PPP3R1: variants seen among roughly 807,000 people sequenced by gnomAD.
PPP3R1 encodes protein phosphatase 3 regulatory subunit B, alpha.
A neutral mutation model predicts 22.6 loss-of-function variants in PPP3R1; 5 were observed. The ratio of observed to expected loss-of-function variants is 0.22; its 90% CI spans 0.12 to 0.46. The LOEUF is 0.46. Ranked by LOEUF, PPP3R1 falls within the 20% of genes least tolerant of loss-of-function variation. The probability of loss-of-function intolerance (pLI) is 0.99; values close to 1 mark genes in which losing one functional copy is unlikely to be tolerated. For synonymous variants in PPP3R1, 56 were observed against 65.2 expected, an observed-to-expected ratio of 0.86 and a Z score of 0.68; for missense variants, 61 against 203.2, an observed-to-expected ratio of 0.30 and a Z score of 4.25.
intron 2 of PPP3R1, among the ~76,000 whole-genome samples, chr2:68,201,533 T>C (rs1674975175): frequency 6.6e-6 from 1 of 152,230 alleles, no homozygotes. Context: ...CGTTCTAATT[T>C]GAACCAACTG....
rs1409935234 is a variant in PPP3R1, at chr2:68,252,234, C to T, written c.-107G>A. 11 of 1,115,960 alleles carry T rather than the reference C, an allele frequency of 9.9e-6. No individual in the cohort carries two copies. Among genetic ancestry groups the T allele is most frequent in the African/African-American group, 1.7e-5 (1 of 59,376 alleles). The allele number at this position is 1,115,960 out of a possible 1,614,324, so 69.1% of individuals were successfully genotyped here. On this transcript the variant is annotated 5_prime_UTR_variant, in exon 1 of 6. Transcript: ENST00000234310. ...GGCGGCCCAGCTGCGGCCCTCGGGT[C>T]GCCGGCGGGGAGGGGGCGCGCGTGG...
At chr2:68,237,334 T>G (rs1040712921) in intron 1 of PPP3R1, among the ~76,000 whole-genome samples, 1 of 152,188 alleles carries the variant, frequency 6.6e-6, no homozygotes, top group African/African-American at 2.4e-5. Flanking sequence ...TCAGAAGAAC[T>G]GTGAATCAGG....
chr2:68,251,105 T>C (rs966180132), intron 1 of PPP3R1: 2 of 152,364 alleles, frequency 1.3e-5, no homozygotes, highest in East Asian at 3.9e-4. Context: ...GAACTTTCTC[T>C]ACTGTGTATA....
At chr2:68,217,597 C>T (rs921058513) in intron 1 of PPP3R1, among the ~76,000 whole-genome samples, 1 of 151,992 alleles carries the variant, frequency 6.6e-6, no homozygotes, top group African/African-American at 2.4e-5. Context: ...TACCATTTTT[C>T]CCTGCATTGA....
At chr2:68,228,493 T>C (rs894885594) in intron 1 of PPP3R1, among the ~76,000 whole-genome samples, 5 of 152,180 alleles carry the variant, frequency 3.3e-5, no homozygotes, top group African/African-American at 1.2e-4. Flanking sequence ...TAACCCCTTA[T>C]CTTTTTTCAC....
chr2:68,203,879 A>G (rs190520289), intron 2 of PPP3R1, among the ~76,000 whole-genome samples: 347 of 152,288 alleles, frequency 2.3e-3, no homozygotes, highest in Non-Finnish European at 4.5e-3. Flanking sequence ...GCAAAAGGAG[A>G]GGTTCCTTCA....
intron 1 of PPP3R1, among the ~76,000 whole-genome samples, chr2:68,247,091 C>T (rs1670251316): frequency 6.7e-6 from 1 of 149,106 alleles, no homozygotes; most frequent in Admixed American, 6.7e-5. Context: ...GAGTAGCTGG[C>T]ACTACAGGCG....
intron 1 of PPP3R1, among the ~76,000 whole-genome samples, chr2:68,247,929 T>A (rs1028987276): frequency 1.3e-5 from 2 of 152,228 alleles, no homozygotes; most frequent in South Asian, 4.1e-4. Context: ...TCTATCCTAT[T>A]ATCCACCCGG....
At chr2:68,224,531 G>A (rs1362072979) in intron 1 of PPP3R1, among the ~76,000 whole-genome samples, 3 of 152,102 alleles carry the variant, frequency 2.0e-5, no homozygotes, top group Non-Finnish European at 4.4e-5. Context: ...GGGCGTGGTG[G>A]CAGGCGCCTG....
At chr2:68,222,051 T>A (rs1170853689) in intron 1 of PPP3R1, among the ~76,000 whole-genome samples, 1 of 151,876 alleles carries the variant, frequency 6.6e-6, no homozygotes, top group Non-Finnish European at 1.5e-5. Flanking sequence ...ATGAAAAATA[T>A]CAGAAATGGT....
At chr2:68,205,626 G>A (rs1422307815) in intron 2 of PPP3R1, among the ~76,000 whole-genome samples, 1 of 152,060 alleles carries the variant, frequency 6.6e-6, no homozygotes, top group Non-Finnish European at 1.5e-5. Flanking sequence ...CAAATAATCA[G>A]TGTTCAAATT....
chr2:68,203,186 T>C (rs80080995), intron 2 of PPP3R1, among the ~76,000 whole-genome samples: 359 of 152,324 alleles, frequency 2.4e-3, no homozygotes, highest in African/African-American at 8.5e-3. Flanking sequence ...AAATGATAAA[T>C]GACAGCTGGT....
intron 1 of PPP3R1, among the ~76,000 whole-genome samples, chr2:68,220,512 C>T (rs1340063475): frequency 6.6e-6 from 1 of 152,030 alleles, no homozygotes; most frequent in Non-Finnish European, 1.5e-5. Flanking sequence ...ACTATATTGG[C>T]CATGAATTAA....
chr2:68,217,991 T>C (rs1381672655), intron 1 of PPP3R1, among the ~76,000 whole-genome samples: 1 of 152,098 alleles, frequency 6.6e-6, no homozygotes, highest in South Asian at 2.1e-4. Context: ...TCTAAAACAG[T>C]AATATCTCAA....
chr2:68,217,249 AC>A (rs1477946854), intron 1 of PPP3R1, 118 bp from the exon 2 acceptor site: 3 of 594,726 alleles, frequency 5.0e-6, no homozygotes, highest in Non-Finnish European at 8.9e-6. Context: ...TAATAATATG[AC>A]CACATATATA....
intron 1 of PPP3R1, 91 bp downstream of exon 1, chr2:68,252,034 C>A (rs1670374219): frequency 9.5e-6 from 12 of 1,256,824 alleles, no homozygotes; most frequent in Admixed American, 2.8e-5. Flanking sequence ...CGGGGGACAG[C>A]CGACCGGGGG....
intron 2 of PPP3R1, among the ~76,000 whole-genome samples, chr2:68,196,726 A>G (rs1292451838): frequency 6.6e-6 from 1 of 152,092 alleles, no homozygotes; most frequent in Non-Finnish European, 1.5e-5. Flanking sequence ...ATTTTAATAA[A>G]AATGCTATTT....
At chr2:68,216,258 A>G (rs2103769802) in intron 2 of PPP3R1, among the ~76,000 whole-genome samples, 1 of 152,240 alleles carries the variant, frequency 6.6e-6, no homozygotes, top group South Asian at 2.1e-4. Context: ...ATTAACATCC[A>G]ATCTTTCAAA....
At chr2:68,187,201 A>G in intron 4 of PPP3R1, 54 bp downstream of exon 4, 1 of 1,342,598 alleles carries the variant, frequency 7.4e-7, no homozygotes, top group Non-Finnish European at 1.0e-6. Context: ...TCTATAATAC[A>G]GTATGAAATG....
Sources: allele counts gnomAD v4.1 joint callset (sites outside exome capture counted in the v4.1 genomes callset), GRCh38; gene constraint gnomAD v4.1.1; transcripts MANE v1.5; gene names NCBI Gene and HGNC (gene_info 2026-07-23, HGNC 2026-07-21).